ANXA11: variants seen among roughly 807,000 people sequenced by gnomAD.
ANXA11 encodes 56 kDa autoantigen.
ANXA11 carries 57 observed loss-of-function variants against 64.7 expected under a neutral mutation model. The observed-to-expected ratio is 0.88, with a 90% CI of 0.71 to 1.10. The LOEUF (loss-of-function observed/expected upper bound fraction) is 1.10. Among genes scored for constraint, ANXA11 ranks in the 50% least tolerant of loss-of-function variants. ANXA11 has a pLI of 0.00. For missense variants in ANXA11, 675 were observed against 670.7 expected, an observed-to-expected ratio of 1.01 and a Z score of -0.07; for synonymous variants, 260 against 265.2, an observed-to-expected ratio of 0.98 and a Z score of 0.19.
At chr10:80,190,843 C>A (rs1846744575) in intron 1 of ANXA11, among the ~76,000 whole-genome samples, 2 of 151,184 alleles carry the variant, frequency 1.3e-5, no homozygotes, top group Non-Finnish European at 3.0e-5. Flanking sequence ...GTAACCCCAG[C>A]ACTTTGGAAG....
chr10:80,192,014 C>G (rs545281124), intron 1 of ANXA11, among the ~76,000 whole-genome samples: 1 of 152,284 alleles, frequency 6.6e-6, no homozygotes, highest in East Asian at 1.9e-4. Flanking sequence ...CTCATCGTCC[C>G]CAGGGCAGGG....
intron 12 of ANXA11, among the ~76,000 whole-genome samples, chr10:80,160,691 T>C (rs1845469349): frequency 6.6e-6 from 1 of 151,984 alleles, no homozygotes; most frequent in Non-Finnish European, 1.5e-5. Context: ...CCTCCTGCAG[T>C]CCCAGAGCCT....
In ANXA11 at chr10:80,155,525, AT is replaced by A; in HGVS notation, c.*327del. ...GTAAGAAAAGAAAATATGCCTCCAA[AT>A]AAAAATATACAATTACATGACGAAA... On this transcript the variant is annotated 3_prime_UTR_variant, in exon 16 of 16. Coordinates refer to ENST00000422982, the MANE Select transcript of ANXA11 (RefSeq NM_145868.2). 3.1e-6 allele frequency: 1 copy of A among 321,624 alleles called. No individual in the cohort carries two copies. The highest frequency in any genetic ancestry group is 5.7e-6 in the Non-Finnish European group (1 of 174,448). The allele number at this position is 321,624 out of a possible 1,614,324, so 19.9% of individuals were successfully genotyped here. A position where few individuals can be genotyped will look rare whatever the true frequency, so the allele number is the denominator to read the frequency against.
chr10:80,167,142 C>A, intron 6 of ANXA11, 84 bp downstream of exon 6: 1 of 1,442,050 alleles, frequency 6.9e-7, no homozygotes, highest in Non-Finnish European at 9.7e-7. Flanking sequence ...CGTCCCCCAG[C>A]TACCCCAGCC....
At position 80,192,288 on chromosome 10, in the gene ANXA11, A is replaced by G. The variant is rs1589449237; in HGVS notation, c.-58+13055T>C. Reference sequence around the variant, plus strand: ...AAATCCTGCCCCTCCTGTACATTTCACCTATGCACTCTAATCAGATTTTTA... The same window carrying G: ...AAATCCTGCCCCTCCTGTACATTTCGCCTATGCACTCTAATCAGATTTTTA... On this transcript the variant is annotated intron_variant, in intron 1 of 15. Coordinates refer to ENST00000422982, the MANE Select transcript of ANXA11 (RefSeq NM_145868.2). 2.0e-5 allele frequency among the ~76,000 whole-genome samples: 3 copies of G among 152,286 alleles called. No individual in the cohort carries two copies. In the East Asian group the frequency reaches 5.8e-4, roughly 29 times the overall value.
chr10:80,180,528 G>GC (rs1408906994), intron 1 of ANXA11, among the ~76,000 whole-genome samples: 1 of 152,162 alleles, frequency 6.6e-6, no homozygotes, highest in Non-Finnish European at 1.5e-5. Context: ...GACACCCCCT[G>GC]CCCCTCAGGG....
chr10:80,199,888 A>C (rs1274121819), intron 1 of ANXA11, among the ~76,000 whole-genome samples: 1 of 152,226 alleles, frequency 6.6e-6, no homozygotes, highest in Non-Finnish European at 1.5e-5. Context: ...TATGTGGCTT[A>C]AAACACAAGC....
At chr10:80,177,368 G>A (rs1589436162) in intron 1 of ANXA11, among the ~76,000 whole-genome samples, 3 of 152,150 alleles carry the variant, frequency 2.0e-5, no homozygotes, top group South Asian at 2.1e-4. Context: ...CCCTCCAGTG[G>A]ATGCTACTCC....
At chr10:80,204,152 A>G (rs1180508020) in intron 1 of ANXA11, among the ~76,000 whole-genome samples, 1 of 152,254 alleles carries the variant, frequency 6.6e-6, no homozygotes, top group Non-Finnish European at 1.5e-5. Context: ...AGCACAGACA[A>G]TAGTCAAAGA....
intron 12 of ANXA11, among the ~76,000 whole-genome samples, chr10:80,160,834 C>T (rs1286795852): frequency 6.6e-6 from 1 of 152,184 alleles, no homozygotes; most frequent in Non-Finnish European, 1.5e-5. Context: ...GCTCCACCTA[C>T]AGTCCCCCTG....
chr10:80,186,468 C>T (rs1000239694), intron 1 of ANXA11, among the ~76,000 whole-genome samples: 7 of 152,104 alleles, frequency 4.6e-5, no homozygotes, highest in African/African-American at 1.7e-4. Flanking sequence ...CTCCACGTGC[C>T]TGGGTGTATG....
intron 1 of ANXA11, among the ~76,000 whole-genome samples, chr10:80,178,363 C>A (rs12249927): frequency 0.015 from 2,335 of 152,346 alleles, 60 homozygotes; most frequent in African/African-American, 0.053. Context: ...CCGCTCTACG[C>A]CTGCTTCTAA....
chr10:80,162,052 T>G, intron 11 of ANXA11, 24 bp from the exon 12 acceptor site: 2 of 1,597,494 alleles, frequency 1.3e-6, no homozygotes, highest in South Asian at 1.1e-5. Context: ...AAGACGCACA[T>G]GTGGCACAGG....
Position 80,166,967 on chromosome 10 carries a change from T to C in ANXA11, c.667A>G (p.Ile223Val), listed in dbSNP as rs1238271408. Reference protein sequence around the residue: ...MKGFGTDEQAIIDCLGSRSNK... With the variant: ...MKGFGTDEQAVIDCLGSRSNK... ...GAGCGACTCCCCAGGCAGTCAATGA[T>C]GGCCTGCTCATCCGTCCCTGGAGGA... Residue 223 changes from isoleucine to valine, a missense_variant, in exon 7 of 16, where the codon ATC becomes GTC. By Grantham distance (29) the Ile-to-Val change is conservative (BLOSUM62 3). Coordinates refer to ENST00000422982, the MANE Select transcript of ANXA11 (RefSeq NM_145868.2). 1 of 1,603,470 alleles carries C rather than the reference T, an allele frequency of 6.2e-7. No homozygotes were observed. Among genetic ancestry groups the C allele is most frequent in the Non-Finnish European group, 8.5e-7 (1 of 1,175,732 alleles).
At chr10:80,198,313 C>CG (rs1437638507) in intron 1 of ANXA11, among the ~76,000 whole-genome samples, 1 of 152,244 alleles carries the variant, frequency 6.6e-6, no homozygotes, top group Non-Finnish European at 1.5e-5. Flanking sequence ...TTCTCTCTTG[C>CG]TTTAGTAACA....
At chr10:80,159,325 A>G (rs1845413389) in intron 12 of ANXA11, 130 bp from the exon 13 acceptor site, 10 of 706,004 alleles carry the variant, frequency 1.4e-5, no homozygotes, top group Non-Finnish European at 2.4e-5. Context: ...AGAGGTAATT[A>G]AGTTAAAACA....
chr10:80,184,392 T>C (rs1018115046), intron 1 of ANXA11, among the ~76,000 whole-genome samples: 1 of 152,146 alleles, frequency 6.6e-6, no homozygotes, highest in South Asian at 2.1e-4. Flanking sequence ...AAGAGTGACA[T>C]GCACTCAATA....
At chr10:80,203,612 A>G (rs1192089811) in intron 1 of ANXA11, among the ~76,000 whole-genome samples, 1 of 151,826 alleles carries the variant, frequency 6.6e-6, no homozygotes, top group Admixed American at 6.6e-5. Flanking sequence ...AACAGCCCCC[A>G]CCCTCCAGAG....
In ANXA11 at chr10:80,157,762, CCCT is replaced by C. The variant is rs1198151127; in HGVS notation, c.1336-2_1336del. On this transcript the variant is annotated splice_acceptor_variant and coding_sequence_variant, in exon 15 of 16. Coordinates refer to ENST00000422982, the MANE Select transcript of ANXA11 (RefSeq NM_145868.2). LOFTEE classifies it high-confidence loss of function. ...CAGGGTCCGGTCCTTTGTTCCTGCCCCCTAAAGAGAGTCCACCCAAGAGCATGA... is the reference window on the plus strand; with the variant it reads ...CAGGGTCCGGTCCTTTGTTCCTGCCCAAAGAGAGTCCACCCAAGAGCATGA... The C allele has an allele frequency of 6.2e-7, 1 of 1,612,640 alleles. No individual in the cohort carries two copies. Among genetic ancestry groups the C allele is most frequent in the Admixed American group, 1.7e-5 (1 of 59,912 alleles).
Sources: allele counts gnomAD v4.1 joint callset (sites outside exome capture counted in the v4.1 genomes callset), GRCh38; gene constraint gnomAD v4.1.1; transcripts MANE v1.5; gene names NCBI Gene and HGNC (gene_info 2026-07-23, HGNC 2026-07-21).